CSMD3: variants seen among roughly 807,000 people sequenced by gnomAD.
CSMD3 encodes the protein CUB and sushi domain-containing protein 3.
In CSMD3, 177 loss-of-function variants were observed where a neutral mutation model predicts 435.2. The ratio of observed to expected loss-of-function variants is 0.41; its 90% CI spans 0.36 to 0.46. The LOEUF (loss-of-function observed/expected upper bound fraction) is 0.46, where lower values mean the gene tolerates loss of function less well. Among genes scored for constraint, CSMD3 ranks in the 20% least tolerant of loss-of-function variants. The pLI is 0.34. For synonymous variants in CSMD3, 1,656 were observed against 1,520.5 expected (o/e 1.09, Z -2.07); for missense variants, 4,265 against 4,504.6 (o/e 0.95, Z 1.52).
At chr8:112,903,403 T>A (rs1247851034) in intron 10 of CSMD3, among the ~76,000 whole-genome samples, 1 of 151,150 alleles carries the variant, frequency 6.6e-6, no homozygotes, top group Non-Finnish European at 1.5e-5. Context: ...TTGAATAAAA[T>A]GTTCCGAAAA....
At chr8:113,015,367 AT>A (rs2086415794) in intron 6 of CSMD3, among the ~76,000 whole-genome samples, 1 of 152,052 alleles carries the variant, frequency 6.6e-6, no homozygotes, top group Non-Finnish European at 1.5e-5. Flanking sequence ...CTATTAATAT[AT>A]CTTTATTTCA....
At chr8:112,952,688 T>G (rs1010386038) in intron 8 of CSMD3, among the ~76,000 whole-genome samples, 1 of 151,464 alleles carries the variant, frequency 6.6e-6, no homozygotes, top group Non-Finnish European at 1.5e-5. Flanking sequence ...TTGACTGAAG[T>G]GAGAATTACT....
At chr8:112,988,736 G>C (rs761439156) in intron 6 of CSMD3, among the ~76,000 whole-genome samples, 2 of 151,958 alleles carry the variant, frequency 1.3e-5, no homozygotes, top group Admixed American at 6.6e-5. Context: ...TTTTCATGGA[G>C]AGTGGATGTT....
intron 22 of CSMD3, among the ~76,000 whole-genome samples, chr8:112,593,704 A>G (rs1048325886): frequency 3.3e-5 from 5 of 152,206 alleles, no homozygotes; most frequent in African/African-American, 1.2e-4. Context: ...CAAAAGGGAC[A>G]TTCAAAGAAG....
intron 32 of CSMD3, among the ~76,000 whole-genome samples, chr8:112,471,286 T>A (rs1818497710): frequency 6.6e-6 from 1 of 152,114 alleles, no homozygotes; most frequent in Non-Finnish European, 1.5e-5. Flanking sequence ...TAGGATTCTG[T>A]CAGCAACCAT....
chr8:112,290,548 A>C (rs1290320773), intron 56 of CSMD3, among the ~76,000 whole-genome samples: 1 of 152,024 alleles, frequency 6.6e-6, no homozygotes, highest in African/African-American at 2.4e-5. Flanking sequence ...GCATAGAATC[A>C]AATTTTACAG....
At chr8:113,082,729 GA>G (rs2089614186) in intron 5 of CSMD3, among the ~76,000 whole-genome samples, 1 of 152,026 alleles carries the variant, frequency 6.6e-6, no homozygotes. Context: ...TTCTTAATCT[GA>G]ATGAGAAATT....
intron 1 of CSMD3, among the ~76,000 whole-genome samples, chr8:113,376,012 G>T (rs902559939): frequency 1.2e-4 from 19 of 152,072 alleles, no homozygotes; most frequent in African/African-American, 4.6e-4. Flanking sequence ...ACTCAAGGTT[G>T]ATTTAATTAT....
At chr8:112,544,450 A>C (rs769141652) in intron 27 of CSMD3, among the ~76,000 whole-genome samples, 3 of 152,186 alleles carry the variant, frequency 2.0e-5, no homozygotes, top group Non-Finnish European at 4.4e-5. Context: ...CATGATACAC[A>C]AAATAATAGT....
chr8:112,372,971 AT>A (rs1424035004), intron 38 of CSMD3, among the ~76,000 whole-genome samples: 9 of 49,712 alleles, frequency 1.8e-4, no homozygotes, highest in Non-Finnish European at 4.3e-4. Context: ...AGCAGAAAAA[AT>A]ATATATATAT....
At chr8:112,270,221 A>C (rs1332663253) in intron 59 of CSMD3, among the ~76,000 whole-genome samples, 2 of 152,140 alleles carry the variant, frequency 1.3e-5, no homozygotes, top group Non-Finnish European at 2.9e-5. Flanking sequence ...AGACCTTACC[A>C]TTATTATTAA....
At chr8:112,732,699 C>CAAAAAAAAAAAAAAAAAAAAAAAAAAAA (rs34891739) in intron 13 of CSMD3, among the ~76,000 whole-genome samples, 1 of 97,192 alleles carries the variant, frequency 1.0e-5, no homozygotes. Context: ...GACTCCATCT[C>CAAAAAAAAAAAAAAAAAAAAAAAAAAAA]AAAAAAAAAA....
intron 17 of CSMD3, among the ~76,000 whole-genome samples, chr8:112,659,580 A>G (rs889793996): frequency 6.6e-6 from 1 of 152,178 alleles, no homozygotes; most frequent in African/African-American, 2.4e-5. Flanking sequence ...AGGATAGGAA[A>G]AGGAACCGAA....
intron 13 of CSMD3, among the ~76,000 whole-genome samples, chr8:112,747,888 G>A (rs1313839530): frequency 3.3e-5 from 5 of 150,522 alleles, no homozygotes; most frequent in African/African-American, 1.2e-4. Flanking sequence ...GCGTGAACCC[G>A]GAAGGCGGAG....
intron 21 of CSMD3, among the ~76,000 whole-genome samples, chr8:112,637,492 T>C (rs4540434): frequency 0.49 from 74,499 of 151,856 alleles, 18,910 homozygotes; most frequent in African/African-American, 0.59. Flanking sequence ...AAACACATGA[T>C]TTGAGATGCA....
chr8:112,276,841 G>A (rs182619899), intron 59 of CSMD3, among the ~76,000 whole-genome samples: 5 of 152,190 alleles, frequency 3.3e-5, no homozygotes, highest in African/African-American at 4.8e-5. Flanking sequence ...AGCTGCCAAG[G>A]CTTGGGGCTT....
intron 32 of CSMD3, among the ~76,000 whole-genome samples, chr8:112,410,672 A>ATG (rs1563913442): frequency 9.8e-6 from 1 of 102,234 alleles, no homozygotes; most frequent in Admixed American, 1.0e-4. Context: ...GTATATATAT[A>ATG]TGTGTATATA....
At chr8:112,505,926 C>T (rs760422089) in intron 29 of CSMD3, among the ~76,000 whole-genome samples, 6 of 152,038 alleles carry the variant, frequency 3.9e-5, no homozygotes, top group Non-Finnish European at 8.8e-5. Flanking sequence ...TGTCCTTCTA[C>T]CCTCAAGTTA....
At chr8:112,377,508 C>T (rs1829055814) in intron 38 of CSMD3, among the ~76,000 whole-genome samples, 1 of 151,980 alleles carries the variant, frequency 6.6e-6, no homozygotes, top group Admixed American at 6.6e-5. Flanking sequence ...TTGCAGTCAG[C>T]CCTGCCCTAA....
Sources: allele counts gnomAD v4.1 joint callset (sites outside exome capture counted in the v4.1 genomes callset), GRCh38; gene constraint gnomAD v4.1.1; transcripts MANE v1.5; gene names NCBI Gene and HGNC (gene_info 2026-07-23, HGNC 2026-07-21).